Variants in ZNF106 observed in about 807,000 individuals in gnomAD.
The protein encoded by ZNF106 is zinc finger protein 106.
ZNF106 carries 67 observed loss-of-function variants against 195.1 expected under a neutral mutation model. The ratio of observed to expected loss-of-function variants is 0.34; its 90% CI spans 0.28 to 0.42. The LOEUF (loss-of-function observed/expected upper bound fraction) is 0.42, where lower values mean the gene tolerates loss of function less well. Among genes scored for constraint, ZNF106 ranks in the 10% least tolerant of loss-of-function variants. The probability of loss-of-function intolerance (pLI) is 1.00; values close to 1 mark genes in which losing one functional copy is unlikely to be tolerated. For missense variants in ZNF106, 2,118 were observed against 2,304.5 expected (o/e 0.92, Z 1.66); for synonymous variants, 784 against 818.6 (o/e 0.96, Z 0.72).
intron 14 of ZNF106, among the ~76,000 whole-genome samples, chr15:42,429,400 C>T (rs550680784): frequency 5.3e-5 from 8 of 151,384 alleles, no homozygotes; most frequent in African/African-American, 1.9e-4. Flanking sequence ...GATCAGGTCA[C>T]CACACTCCAG....
At position 42,439,547 on chromosome 15, in the gene ZNF106, G is replaced by A; in HGVS notation, c.4030C>T (p.Pro1344Ser). Residue 1344 changes from proline (P) to serine (S), a missense_variant, in exon 11 of 22, where the codon CCT becomes TCT. Transcript: ENST00000564754. ...GGAGAGTGGGGTTCCTTCTCCAAAG[G>A]GGTTTCTGAAGCAAAAGACAATCTT... ...FLRLSFASET[P>S]LEKEPHSPAD... The A allele has an allele frequency of 6.2e-7, 1 of 1,614,172 alleles. No individual in the cohort carries two copies. The highest frequency in any genetic ancestry group is 1.3e-5 in the African/African-American group (1 of 75,038).
chr15:42,432,281 C>T lies in ZNF106; in HGVS notation c.4881+3103G>A, dbSNP rs542499607. Among the ~76,000 whole-genome samples, 3 of 152,300 alleles carry T rather than the reference C, an allele frequency of 2.0e-5. No homozygotes were observed. The East Asian group carries it at 5.8e-4, about 29-fold the overall frequency. On this transcript the variant is annotated intron_variant, in intron 14 of 21. Coordinates refer to ENST00000564754, the MANE Select transcript of ZNF106 (RefSeq NM_001366845.3). ...TCAAATGATCCTCCCACCTCAGCCT[C>T]CCAAGTAGCTAGGACTACAGGTACA...
chr15:42,460,537 C>A (rs1172292973), intron 3 of ZNF106, among the ~76,000 whole-genome samples: 1 of 152,184 alleles, frequency 6.6e-6, no homozygotes, highest in South Asian at 2.1e-4. Flanking sequence ...AATCAGAGAC[C>A]CTGCCCAGAA....
At chr15:42,422,040 A>G (rs758027187) in intron 18 of ZNF106, 52 bp from the exon 19 acceptor site, 16 of 1,510,546 alleles carry the variant, frequency 1.1e-5, no homozygotes, top group South Asian at 3.7e-5. Context: ...CTTGCGTTTA[A>G]TAAGTACAGT....
rs763429207 is a variant in ZNF106 at position 42,450,574 on chromosome 15, C to T, written c.1698G>A (p.Gln566=). Residue 566 remains glutamine, a synonymous_variant, in exon 5 of 22, where the codon CAG becomes CAA. Coordinates refer to ENST00000564754, the MANE Select transcript of ZNF106 (RefSeq NM_001366845.3). ...GTGGATTTTGCAATGACTCATGACA[C>T]TGTAGCACCTCTTTGGCCTTTCGTA... ...DTLRKAKEVL[Q]CHESLQNPLL... The T allele has an allele frequency of 1.9e-6, 3 of 1,614,200 alleles. No homozygotes were observed. The highest frequency in any genetic ancestry group is 1.7e-6 in the Non-Finnish European group (2 of 1,180,042).
At chr15:42,436,306 G>A (rs1047391831) in intron 13 of ZNF106, among the ~76,000 whole-genome samples, 1 of 152,096 alleles carries the variant, frequency 6.6e-6, no homozygotes, top group African/African-American at 2.4e-5. Flanking sequence ...TGCACATACT[G>A]AGATCTATTT....
intron 20 of ZNF106, among the ~76,000 whole-genome samples, chr15:42,419,941 T>A (rs1012192209): frequency 2.0e-5 from 3 of 152,106 alleles, no homozygotes; most frequent in African/African-American, 4.8e-5. Context: ...CAGAGTGAGA[T>A]TCTGTCTCAA....
At chr15:42,456,641 G>A (rs1384056923) in intron 4 of ZNF106, among the ~76,000 whole-genome samples, 6 of 150,442 alleles carry the variant, frequency 4.0e-5, no homozygotes, top group Non-Finnish European at 5.9e-5. Context: ...GGGTGACAGA[G>A]TGAGACTCCA....
chr15:42,446,545 CA>C, intron 7 of ZNF106, 43 bp downstream of exon 7: 1 of 1,540,470 alleles, frequency 6.5e-7, no homozygotes, highest in African/African-American at 1.4e-5. Context: ...CAAAAAAAAC[CA>C]AAAAACACCA....
Position 42,490,991 on chromosome 15 carries a change from AC to A in ZNF106, c.-45del, listed in dbSNP as rs1320236713. On this transcript the variant is annotated 5_prime_UTR_variant, in exon 1 of 22. Coordinates refer to ENST00000564754, the MANE Select transcript of ZNF106 (RefSeq NM_001366845.3). ...CCGTCGATACTCACATTCACAGCCAACCCCTCTTACTCCATCAGGCCGCCGA... is the reference window on the plus strand; with the variant it reads ...CCGTCGATACTCACATTCACAGCCAACCCTCTTACTCCATCAGGCCGCCGA... 1.3e-5 allele frequency: 2 copies of A among 151,602 alleles called. No individual in the cohort carries two copies. Among genetic ancestry groups the A allele is most frequent in the African/African-American group, 4.9e-5 (2 of 41,120 alleles). 9.4% of individuals were successfully genotyped at this position (151,602 alleles called of 1,614,324 possible). A position where few individuals can be genotyped will look rare whatever the true frequency, so the allele number is the denominator to read the frequency against.
At chr15:42,460,813 T>C (rs1156881455) in intron 3 of ZNF106, among the ~76,000 whole-genome samples, 3 of 151,180 alleles carry the variant, frequency 2.0e-5, no homozygotes, top group East Asian at 1.9e-4. Context: ...TGAGCCGAGA[T>C]TGCACCATTG....
intron 1 of ZNF106, 23 bp from the exon 2 acceptor site, chr15:42,472,344 A>G: frequency 6.6e-7 from 1 of 1,511,626 alleles, no homozygotes; most frequent in Admixed American, 2.0e-5. Context: ...AGTAACATTT[A>G]GTAACCTTTT....
intron 11 of ZNF106, 103 bp downstream of exon 11, chr15:42,438,930 A>G (rs1595453208): frequency 3.0e-6 from 4 of 1,353,172 alleles, no homozygotes; most frequent in African/African-American, 1.5e-5. Context: ...GCATTCACAT[A>G]AAGTTTGGTT....
chr15:42,453,287 A>G (rs555158790), intron 4 of ZNF106, among the ~76,000 whole-genome samples: 1 of 152,300 alleles, frequency 6.6e-6, no homozygotes, highest in South Asian at 2.1e-4. Flanking sequence ...TAACCATAAT[A>G]TGTGCTATAA....
chr15:42,465,894 C>A (rs929076850), intron 3 of ZNF106, among the ~76,000 whole-genome samples, 159 bp downstream of exon 3: 1 of 152,122 alleles, frequency 6.6e-6, no homozygotes, highest in Admixed American at 6.6e-5. Flanking sequence ...CTTTTGAATG[C>A]CAAAAATCTA....
chr15:42,478,352 TG>T (rs951031879), intron 1 of ZNF106, among the ~76,000 whole-genome samples: 7 of 151,564 alleles, frequency 4.6e-5, no homozygotes, highest in African/African-American at 1.7e-4. Context: ...TTAGTAGAGA[TG>T]GAGTTTCACC....
At chr15:42,487,984 T>C (rs2057053744) in intron 1 of ZNF106, among the ~76,000 whole-genome samples, 1 of 152,206 alleles carries the variant, frequency 6.6e-6, no homozygotes, top group Non-Finnish European at 1.5e-5. Context: ...AGTATATGCA[T>C]GTAACCTACA....
chr15:42,472,315 G>A lies in ZNF106; in HGVS notation c.-26C>T, dbSNP rs918597158. The A allele has an allele frequency of 2.1e-5, 32 of 1,533,348 alleles. No individual in the cohort carries two copies. The highest frequency in any genetic ancestry group is 2.4e-5 in the Non-Finnish European group (28 of 1,145,506). 95.0% of individuals were successfully genotyped at this position (1,533,348 alleles called of 1,614,324 possible). A position where few individuals can be genotyped will look rare whatever the true frequency, so the allele number is the denominator to read the frequency against. On this transcript the variant is annotated 5_prime_UTR_variant, in exon 2 of 22. In the 5' UTR this introduces an upstream ATG that the reference lacks. Transcript: ENST00000564754. ...AGTGACCAGATCTGAAGCACTCAAC[G>A]TCACAGCTGCAATGAGGAAGTAACA...
chr15:42,444,407 G>A lies in ZNF106; in HGVS notation c.3361-145C>T, dbSNP rs2055685442. The A allele has an allele frequency of 6.4e-6, 4 of 629,788 alleles. No individual in the cohort carries two copies. The African/African-American group carries it at 7.5e-5, about 12-fold the overall frequency. 39.0% of individuals were successfully genotyped at this position (629,788 alleles called of 1,614,324 possible). ...AGCCAGCCGCAGGTTTTCTCCAGCAGGCTTGAACCCTACCTGGGGCCTTGA... is the reference window on the plus strand; with the variant it reads ...AGCCAGCCGCAGGTTTTCTCCAGCAAGCTTGAACCCTACCTGGGGCCTTGA... On this transcript the variant is annotated intron_variant, in intron 8 of 21. Transcript: ENST00000564754.
Sources: gnomAD v4.1 joint callset for allele counts (sites outside exome capture counted in the v4.1 genomes callset) on GRCh38, gnomAD v4.1.1 for gene constraint, MANE v1.5 for transcripts, NCBI Gene and HGNC (gene_info 2026-07-23, HGNC 2026-07-21) for gene names.